SDK1: variants seen among roughly 807,000 people sequenced by gnomAD.
SDK1 encodes the protein sidekick cell adhesion molecule 1, also known as protein sidekick-1.
SDK1 carries 157 observed loss-of-function variants against 245.5 expected under a neutral mutation model. The observed-to-expected ratio is 0.64, with a 90% confidence interval of 0.56 to 0.73. The LOEUF is 0.73. SDK1 is among the 30% of genes least tolerant of loss of function. The pLI is 0.00. For missense variants in SDK1, 3,583 were observed against 3,002.3 expected, an observed-to-expected ratio of 1.19 and a Z score of -4.52; for synonymous variants, 1,647 against 1,278.5, an observed-to-expected ratio of 1.29 and a Z score of -6.15.
At chr7:3,490,720 C>A (rs946834828) in intron 1 of SDK1, among the ~76,000 whole-genome samples, 1 of 152,172 alleles carries the variant, frequency 6.6e-6, no homozygotes, top group South Asian at 2.1e-4. Context: ...TGAGGCCAGG[C>A]AGACTTGGAG....
At chr7:3,479,569 A>G (rs1781450422) in intron 1 of SDK1, among the ~76,000 whole-genome samples, 1 of 151,914 alleles carries the variant, frequency 6.6e-6, no homozygotes, top group Non-Finnish European at 1.5e-5. Context: ...ATATGTTAAA[A>G]TTACTTCACT....
At chr7:3,797,021 T>C (rs1327960911) in intron 4 of SDK1, among the ~76,000 whole-genome samples, 1 of 152,032 alleles carries the variant, frequency 6.6e-6, no homozygotes, top group Non-Finnish European at 1.5e-5. Flanking sequence ...TTTTTTTCTT[T>C]AGAGACAGGG....
In SDK1 at chr7:3,655,481, A is replaced by ATG. The variant is rs1243455419; in HGVS notation, c.713+13377_713+13378insGT. 8.4e-4 allele frequency among the ~76,000 whole-genome samples: 64 copies of ATG among 76,274 alleles called. 4 individuals carry two copies. Among genetic ancestry groups the ATG allele is most frequent in the African/African-American group, 2.9e-3 (62 of 21,566 alleles). The allele number at this position is 76,274 out of a possible 152,430, so 50.0% of individuals were successfully genotyped here. ...TATATATATATATATATATATATAT[A>ATG]TATATATATATATATATATATATGT... On this transcript the variant is annotated intron_variant, in intron 4 of 44. Coordinates refer to ENST00000404826, the MANE Select transcript of SDK1 (RefSeq NM_152744.4).
intron 5 of SDK1, among the ~76,000 whole-genome samples, chr7:3,890,576 G>A (rs1386978320): frequency 6.6e-6 from 1 of 151,994 alleles, no homozygotes; most frequent in Non-Finnish European, 1.5e-5. Flanking sequence ...GATAACACTT[G>A]AGTCTCTATG....
intron 5 of SDK1, among the ~76,000 whole-genome samples, chr7:3,907,267 G>A (rs1778983770): frequency 1.3e-5 from 2 of 152,152 alleles, no homozygotes; most frequent in South Asian, 4.1e-4. Flanking sequence ...CAGAAGCTCT[G>A]TACCTATTAA....
intron 4 of SDK1, among the ~76,000 whole-genome samples, chr7:3,806,772 C>G (rs1177091502): frequency 2.0e-5 from 3 of 148,184 alleles, no homozygotes; most frequent in Non-Finnish European, 4.4e-5. Context: ...AAATGAACTG[C>G]ACAATCATTA....
chr7:3,916,589 C>T (rs962865558), intron 5 of SDK1, among the ~76,000 whole-genome samples: 1 of 152,168 alleles, frequency 6.6e-6, no homozygotes, highest in Non-Finnish European at 1.5e-5. Flanking sequence ...TTTAACATGG[C>T]CTCAACTAAT....
intron 40 of SDK1, among the ~76,000 whole-genome samples, chr7:4,221,845 C>CT (rs1412094316): frequency 3.3e-5 from 5 of 152,176 alleles, no homozygotes; most frequent in African/African-American, 1.2e-4. Flanking sequence ...GGTCTAAGAT[C>CT]CATTTCCAGC....
At chr7:4,079,379 A>G (rs2128178443) in intron 21 of SDK1, 84 bp from the exon 22 acceptor site, 1 of 1,505,072 alleles carries the variant, frequency 6.6e-7, no homozygotes, top group African/African-American at 1.4e-5. Flanking sequence ...GAAACTGTTT[A>G]CTTTTGAAGC....
rs544341861 is a variant in SDK1 at position 3,878,448 on chromosome 7, C to T, written c.847+56865C>T. Among the ~76,000 whole-genome samples the T allele has an allele frequency of 1.7e-3, 255 of 152,160 alleles. 1 individual carries two copies. The highest frequency in any genetic ancestry group is 5.6e-3 in the African/African-American group (231 of 41,530). On this transcript the variant is annotated intron_variant, in intron 5 of 44. Coordinates refer to ENST00000404826, the MANE Select transcript of SDK1 (RefSeq NM_152744.4). The stretch of plus-strand genomic sequence containing the variant: ...AGGAGAATGGCGTGAACCCGGGAGG[C>T]GGAGCTTGCAGTGAGCCAAGATGGC...
At chr7:3,933,478 A>C (rs1780053073) in intron 5 of SDK1, among the ~76,000 whole-genome samples, 1 of 152,120 alleles carries the variant, frequency 6.6e-6, no homozygotes, top group Non-Finnish European at 1.5e-5. Flanking sequence ...AACGCTATCA[A>C]AGGATGTGGT....
intron 1 of SDK1, among the ~76,000 whole-genome samples, chr7:3,528,393 G>A (rs965439145): frequency 3.3e-5 from 5 of 151,938 alleles, no homozygotes; most frequent in African/African-American, 1.2e-4. Context: ...AGTGGTGGGA[G>A]GTGAGCCTGG....
rs79999871 is a variant in SDK1, at chr7:3,840,894, C to G, written c.847+19311C>G. On this transcript the variant is annotated intron_variant, in intron 5 of 44. Coordinates refer to ENST00000404826, the MANE Select transcript of SDK1 (RefSeq NM_152744.4). Reference sequence around the variant, plus strand: ...GAATCTGTGTTTTATCAAGCTCTCCCTCACTAAAATTTGAGAAGGACCACC... The same window carrying G: ...GAATCTGTGTTTTATCAAGCTCTCCGTCACTAAAATTTGAGAAGGACCACC... Among the ~76,000 whole-genome samples, 1,417 of 152,308 alleles carry G rather than the reference C, an allele frequency of 9.3e-3. 23 individuals carry two copies. The highest frequency in any genetic ancestry group is 0.032 in the African/African-American group (1,349 of 41,576).
chr7:4,078,640 C>A (rs1422021641), intron 21 of SDK1, among the ~76,000 whole-genome samples: 2 of 152,122 alleles, frequency 1.3e-5, no homozygotes, highest in African/African-American at 4.8e-5. Context: ...CCCATTTTAT[C>A]CCCTTATCTT....
chr7:3,368,612 A>G lies in SDK1; in HGVS notation c.298+66728A>G, dbSNP rs116119738. Among the ~76,000 whole-genome samples the G allele has an allele frequency of 2.5e-3, 382 of 152,278 alleles. 5 individuals carry two copies. The highest frequency in any genetic ancestry group is 8.8e-3 in the African/African-American group (366 of 41,552). ...GTAACAGAGGAGACCCACTGGAAAC[A>G]TTGTAGGACTTGGAGAGCCTGTCGG... On this transcript the variant is annotated intron_variant, in intron 1 of 44. Transcript: ENST00000404826.
intron 4 of SDK1, among the ~76,000 whole-genome samples, chr7:3,696,094 C>G (rs537909387): frequency 3.9e-5 from 6 of 152,244 alleles, no homozygotes; most frequent in East Asian, 1.9e-4. Context: ...ACTTGATCCT[C>G]TTCTCACTCT....
At chr7:3,457,246 T>G (rs980751115) in intron 1 of SDK1, among the ~76,000 whole-genome samples, 1 of 152,192 alleles carries the variant, frequency 6.6e-6, no homozygotes, top group Non-Finnish European at 1.5e-5. Context: ...TGGTTTGCTT[T>G]CTTCCCTTAG....
chr7:3,397,618 C>G (rs1289373021), intron 1 of SDK1, among the ~76,000 whole-genome samples: 2 of 151,784 alleles, frequency 1.3e-5, no homozygotes, highest in Non-Finnish European at 2.9e-5. Flanking sequence ...CAGATTCTGT[C>G]TTTGAACATT....
intron 1 of SDK1, among the ~76,000 whole-genome samples, chr7:3,484,409 T>C (rs1781614686): frequency 6.6e-6 from 1 of 152,198 alleles, no homozygotes; most frequent in Admixed American, 6.5e-5. Context: ...GACATGAGTG[T>C]GTGAGGATTT....
Sources: allele counts gnomAD v4.1 joint callset (sites outside exome capture counted in the v4.1 genomes callset), GRCh38; gene constraint gnomAD v4.1.1; transcripts MANE v1.5; gene names NCBI Gene and HGNC (gene_info 2026-07-23, HGNC 2026-07-21).